Variants in C11orf65 observed in about 807,000 individuals in gnomAD.
C11orf65 encodes protein MFI.
C11orf65 carries 38 observed loss-of-function variants against 35.3 expected under a neutral mutation model. The observed-to-expected ratio is 1.08, with a 90% confidence interval of 0.83 to 1.41. The LOEUF (loss-of-function observed/expected upper bound fraction) is 1.41, where lower values mean the gene tolerates loss of function less well. C11orf65 is among the 40% of genes most tolerant of loss of function. C11orf65 has a pLI of 0.00. For synonymous variants in C11orf65, 105 were observed against 114.4 expected (o/e 0.92, Z 0.53); for missense variants, 370 against 367.1 (o/e 1.01, Z -0.06).
At chr11:108,329,868 A>T (rs1020426008), downstream of C11orf65, among the ~76,000 whole-genome samples, 4 of 152,202 alleles carry the variant, frequency 2.6e-5, no homozygotes, top group African/African-American at 9.7e-5. Flanking sequence ...ATCATAGTGG[A>T]AAAGGAGATA....
chr11:108,330,468 A>ATTC (rs1297708597), downstream of C11orf65: 6 of 1,581,446 alleles, frequency 3.8e-6, no homozygotes, highest in Non-Finnish European at 5.2e-6. Flanking sequence ...TGAAAAACTT[A>ATTC]GACATAAGCC....
chr11:108,425,567 T>C (rs2092888737), intron 3 of C11orf65, among the ~76,000 whole-genome samples: 1 of 152,106 alleles, frequency 6.6e-6, no homozygotes, highest in South Asian at 2.1e-4. Flanking sequence ...CTACCAGAGA[T>C]ACAAAGAGGA....
chr11:108,376,077 C>T (rs1397915704), intron 2 of C11orf65, among the ~76,000 whole-genome samples: 30 of 152,088 alleles, frequency 2.0e-4, no homozygotes, highest in Admixed American at 1.0e-3. Flanking sequence ...GACAGATCAA[C>T]GAGACAAAAA....
At chr11:108,422,515 G>A (rs1006807909) in intron 3 of C11orf65, among the ~76,000 whole-genome samples, 10 of 152,168 alleles carry the variant, frequency 6.6e-5, no homozygotes, top group South Asian at 2.1e-4. Flanking sequence ...AGGTGGCACC[G>A]CAGAGCAGTA....
At chr11:108,332,652 C>T (rs2086387548) in intron 3 of C11orf65, 1 of 1,158,036 alleles carries the variant, frequency 8.6e-7, no homozygotes, top group South Asian at 1.4e-5. Context: ...ATAATCATTC[C>T]ATTGTCTAGA....
intron 2 of C11orf65, among the ~76,000 whole-genome samples, chr11:108,375,434 C>T (rs2091695792): frequency 6.6e-6 from 1 of 150,524 alleles, no homozygotes; most frequent in Non-Finnish European, 1.5e-5. Flanking sequence ...CAAGCAAATG[C>T]TGAGAGATTT....
intron 2 of C11orf65, among the ~76,000 whole-genome samples, chr11:108,351,408 T>G (rs940176297): frequency 2.0e-5 from 3 of 152,238 alleles, no homozygotes; most frequent in African/African-American, 7.2e-5. Flanking sequence ...TGTTGCTGCA[T>G]AACAAACCAC....
rs186158163 is a variant in C11orf65 at position 108,357,645 on chromosome 11, C to A, written c.227-22353G>T. 6.0e-3 allele frequency among the ~76,000 whole-genome samples: 907 copies of A among 152,224 alleles called. 9 individuals are homozygous for A. The highest frequency in any genetic ancestry group is 0.02 in the African/African-American group (815 of 41,564). ...CAAGTGGGTTCCTGACCCCTGACCC[C>A]CGAGCAGCCTAACTGGGAGGCACCC... On this transcript the variant is annotated intron_variant, in intron 2 of 3. Coordinates refer to the C11orf65 transcript ENST00000524755.
At chr11:108,309,192 A>G (rs982441330) in intron 6 of C11orf65, 4 of 548,940 alleles carry the variant, frequency 7.3e-6, no homozygotes, top group Non-Finnish European at 1.3e-5. Flanking sequence ...ACAAAGAACA[A>G]CAATAAAACA....
At chr11:108,466,715 T>C (rs942140107) in intron 1 of C11orf65, among the ~76,000 whole-genome samples, 2 of 152,254 alleles carry the variant, frequency 1.3e-5, no homozygotes, top group Non-Finnish European at 2.9e-5. Flanking sequence ...CCCTAATCAA[T>C]AAAATTTTTT....
chr11:108,380,172 G>A (rs759443095), downstream of C11orf65, among the ~76,000 whole-genome samples: 1 of 152,334 alleles, frequency 6.6e-6, no homozygotes, highest in Non-Finnish European at 1.5e-5. Flanking sequence ...GCTCATGAAT[G>A]AGTTGGCTCA....
chr11:108,403,357 T>TG (rs2092473722), intron 6 of C11orf65, among the ~76,000 whole-genome samples: 1 of 151,222 alleles, frequency 6.6e-6, no homozygotes, highest in South Asian at 2.1e-4. Flanking sequence ...TCTTCACTGA[T>TG]GGAGTGTTTA....
At position 108,396,155 on chromosome 11, in the gene C11orf65, C is replaced by A. The variant is rs192960187; in HGVS notation, c.561-2777G>T. Among the ~76,000 whole-genome samples, 843 of 152,144 alleles carry A rather than the reference C, an allele frequency of 5.5e-3. 6 individuals are homozygous for A. Among genetic ancestry groups the A allele is most frequent in the African/African-American group, 0.018 (753 of 41,520 alleles). Reference sequence around the variant, plus strand: ...TTACCCAGGCTGGAGTGCAGTGGCACGATCTTGGCTCACTGTAACCTCTGC... The same window carrying A: ...TTACCCAGGCTGGAGTGCAGTGGCAAGATCTTGGCTCACTGTAACCTCTGC... On this transcript the variant is annotated intron_variant, in intron 6 of 8. Transcript: ENST00000393084.
At chr11:108,375,917 A>G (rs1166243836) in intron 2 of C11orf65, among the ~76,000 whole-genome samples, 9 of 152,264 alleles carry the variant, frequency 5.9e-5, no homozygotes, top group Non-Finnish European at 1.3e-4. Flanking sequence ...AAAGGGATCA[A>G]TTCAACAAGA....
At chr11:108,363,911 T>C (rs1256983143) in intron 2 of C11orf65, among the ~76,000 whole-genome samples, 4 of 152,202 alleles carry the variant, frequency 2.6e-5, no homozygotes, top group Non-Finnish European at 5.9e-5. Context: ...CATTAGTTCA[T>C]TAATAAAATA....
intron 3 of C11orf65, among the ~76,000 whole-genome samples, chr11:108,426,550 T>C (rs1021433192): frequency 1.8e-4 from 27 of 152,108 alleles, no homozygotes; most frequent in Non-Finnish European, 2.6e-4. Context: ...GAAGAATCAA[T>C]ACTGTGAAAA....
intron 3 of C11orf65, among the ~76,000 whole-genome samples, chr11:108,414,266 T>C (rs2092699483): frequency 6.6e-6 from 1 of 152,084 alleles, no homozygotes; most frequent in African/African-American, 2.4e-5. Flanking sequence ...GTCATGATGA[T>C]GGTTACTCTT....
At chr11:108,468,865 A>G (rs1414801257), upstream of C11orf65, among the ~76,000 whole-genome samples, 2 of 152,130 alleles carry the variant, frequency 1.3e-5, no homozygotes, top group Non-Finnish European at 2.9e-5. Flanking sequence ...GCACTTTGGG[A>G]GGCTGAGGTG....
At chr11:108,434,855 T>G (rs1019846072) in intron 2 of C11orf65, among the ~76,000 whole-genome samples, 6 of 152,224 alleles carry the variant, frequency 3.9e-5, no homozygotes, top group Non-Finnish European at 8.8e-5. Context: ...ATTAGAGAAC[T>G]TGGTTCACAA....
Sources: gnomAD v4.1 joint callset for allele counts (sites outside exome capture counted in the v4.1 genomes callset) on GRCh38, gnomAD v4.1.1 for gene constraint, MANE v1.5 for transcripts, NCBI Gene and HGNC (gene_info 2026-07-23, HGNC 2026-07-21) for gene names.